FOXP2: variants seen among roughly 807,000 people sequenced by gnomAD.
FOXP2 encodes forkhead box protein P2.
In FOXP2, 12 loss-of-function variants were observed where a neutral mutation model predicts 115.8. That is an observed-to-expected ratio of 0.10 (90% CI 0.07 to 0.17). FOXP2 has a LOEUF of 0.17. Ranked by LOEUF, FOXP2 falls within the 10% of genes least tolerant of loss-of-function variation. The pLI is 1.00. For missense variants in FOXP2, 629 were observed against 843.5 expected, an observed-to-expected ratio of 0.75 and a Z score of 3.15; for synonymous variants, 328 against 297.7, an observed-to-expected ratio of 1.10 and a Z score of -1.05.
intron 2 of FOXP2, among the ~76,000 whole-genome samples, chr7:114,343,373 T>C (rs1263476957): frequency 1.3e-5 from 2 of 151,556 alleles, no homozygotes; most frequent in African/African-American, 4.8e-5. Flanking sequence ...CTGGCTACAT[T>C]GCTGCTCATT....
At chr7:114,598,123 T>C (rs1261967741) in intron 3 of FOXP2, among the ~76,000 whole-genome samples, 1 of 152,096 alleles carries the variant, frequency 6.6e-6, no homozygotes, top group Non-Finnish European at 1.5e-5. Context: ...TTTTGTATTC[T>C]GCTTAATTGT....
At chr7:114,137,631 CAAG>C (rs1285678648) in intron 1 of FOXP2, among the ~76,000 whole-genome samples, 1 of 148,808 alleles carries the variant, frequency 6.7e-6, no homozygotes, top group African/African-American at 2.5e-5. Context: ...CGGAACAGTT[CAAG>C]AAGTTTTCAT....
intron 2 of FOXP2, among the ~76,000 whole-genome samples, chr7:114,350,540 A>G (rs983334409): frequency 1.4e-4 from 22 of 152,128 alleles, no homozygotes; most frequent in African/African-American, 5.1e-4. Context: ...TTACAATGAA[A>G]CTAGCATGAT....
At chr7:114,683,626 T>C (rs1228679884) in intron 16 of FOXP2, among the ~76,000 whole-genome samples, 1 of 152,154 alleles carries the variant, frequency 6.6e-6, no homozygotes, top group Admixed American at 6.6e-5. Flanking sequence ...CTTTAGGAAG[T>C]AGACACAGTG....
intron 2 of FOXP2, among the ~76,000 whole-genome samples, chr7:114,343,505 T>G (rs1791263667): frequency 6.6e-6 from 1 of 151,638 alleles, no homozygotes; most frequent in South Asian, 2.1e-4. Flanking sequence ...TATTAAATTC[T>G]CTACTTCCTT....
intron 2 of FOXP2, among the ~76,000 whole-genome samples, chr7:114,495,931 A>G (rs1041108493): frequency 7.2e-5 from 11 of 152,172 alleles, no homozygotes; most frequent in Admixed American, 3.3e-4. Flanking sequence ...GTAGAATTTT[A>G]GTTGCCAAAA....
intron 3 of FOXP2, among the ~76,000 whole-genome samples, chr7:114,574,509 C>G (rs182284463): frequency 6.6e-6 from 1 of 151,880 alleles, no homozygotes; most frequent in Non-Finnish European, 1.5e-5. Flanking sequence ...TATCAAACAG[C>G]TTTACAAATG....
chr7:114,254,703 T>C (rs993386011), intron 1 of FOXP2, among the ~76,000 whole-genome samples: 1 of 152,184 alleles, frequency 6.6e-6, no homozygotes, highest in African/African-American at 2.4e-5. Context: ...TCTAATCTTT[T>C]TTCAAGGTTT....
At chr7:114,646,724 T>A (rs189636769) in intron 8 of FOXP2, among the ~76,000 whole-genome samples, 2 of 152,132 alleles carry the variant, frequency 1.3e-5, no homozygotes, top group East Asian at 3.9e-4. Flanking sequence ...AAGTGAAATA[T>A]CGATTAGATA....
chr7:114,464,729 A>C (rs1365437982), intron 2 of FOXP2, among the ~76,000 whole-genome samples: 1 of 152,252 alleles, frequency 6.6e-6, no homozygotes, highest in East Asian at 1.9e-4. Context: ...CAAGAAAAAC[A>C]AAAATATTCA....
At chr7:114,489,049 C>T (rs961324129) in intron 2 of FOXP2, among the ~76,000 whole-genome samples, 2 of 152,082 alleles carry the variant, frequency 1.3e-5, no homozygotes, top group African/African-American at 4.8e-5. Context: ...TATTTCAGAT[C>T]ATTTTGTCAG....
At chr7:114,419,157 G>A (rs889531474) in intron 1 of FOXP2, among the ~76,000 whole-genome samples, 2 of 151,872 alleles carry the variant, frequency 1.3e-5, no homozygotes, top group Non-Finnish European at 2.9e-5. Context: ...GTATATGCAT[G>A]TATATACATA....
chr7:114,175,519 C>T (rs1793265431), intron 1 of FOXP2, among the ~76,000 whole-genome samples: 1 of 152,114 alleles, frequency 6.6e-6, no homozygotes, highest in Non-Finnish European at 1.5e-5. Context: ...TTTCATTTAA[C>T]TCTCTTAAAT....
At chr7:114,122,307 T>A (rs879528996) in intron 1 of FOXP2, among the ~76,000 whole-genome samples, 1 of 152,060 alleles carries the variant, frequency 6.6e-6, no homozygotes, top group African/African-American at 2.4e-5. Flanking sequence ...CCAAATATAG[T>A]AGAGTTTTTA....
intron 2 of FOXP2, among the ~76,000 whole-genome samples, chr7:114,349,946 GTC>G (rs2129185534): frequency 6.6e-6 from 1 of 152,106 alleles, no homozygotes; most frequent in South Asian, 2.1e-4. Flanking sequence ...ACTTTGGGGT[GTC>G]TCTTGAGGAA....
chr7:114,659,815 C>T, intron 13 of FOXP2, 142 bp downstream of exon 13: 1 of 718,710 alleles, frequency 1.4e-6, no homozygotes, highest in Non-Finnish European at 2.5e-6. Context: ...TGAATTCCCT[C>T]TCTCAAAATG....
At chr7:114,102,990 T>TA (rs1310716641) in intron 1 of FOXP2, among the ~76,000 whole-genome samples, 1 of 152,078 alleles carries the variant, frequency 6.6e-6, no homozygotes, top group African/African-American at 2.4e-5. Context: ...TCATTAGTAT[T>TA]ACAATATAAA....
At chr7:114,418,018 G>A (rs1366603561) in intron 1 of FOXP2, among the ~76,000 whole-genome samples, 2 of 151,916 alleles carry the variant, frequency 1.3e-5, no homozygotes, top group Non-Finnish European at 2.9e-5. Flanking sequence ...AAAACTTTCT[G>A]TGCATTCAGA....
chr7:114,654,787 T>G (rs1806480086), intron 10 of FOXP2, among the ~76,000 whole-genome samples: 1 of 152,162 alleles, frequency 6.6e-6, no homozygotes, highest in Non-Finnish European at 1.5e-5. Context: ...GGCCCCTGTA[T>G]AGCCTGATGA....
Sources: allele counts gnomAD v4.1 joint callset (sites outside exome capture counted in the v4.1 genomes callset), GRCh38; gene constraint gnomAD v4.1.1; transcripts MANE v1.5; gene names NCBI Gene and HGNC (gene_info 2026-07-23, HGNC 2026-07-21).